Variants in ABCC5 observed in about 807,000 individuals in gnomAD.
The protein encoded by ABCC5 is ATP-binding cassette sub-family C member 5.
In ABCC5, 61 loss-of-function variants were observed where a neutral mutation model predicts 160.9. The observed-to-expected ratio is 0.38, with a 90% confidence interval of 0.31 to 0.47. The LOEUF is 0.47. Ranked by LOEUF, ABCC5 falls within the 20% of genes least tolerant of loss-of-function variation. ABCC5 has a pLI of 0.99. For missense variants in ABCC5, 1,308 were observed against 1,813.3 expected (o/e 0.72, Z 5.06); for synonymous variants, 666 against 700.6 (o/e 0.95, Z 0.78).
chr3:184,009,960 C>T (rs1209135573), intron 2 of ABCC5: 1 of 432,208 alleles, frequency 2.3e-6, no homozygotes, highest in South Asian at 1.7e-5. Context: ...AACAGCCTGG[C>T]CAACAGTGAG....
intron 25 of ABCC5, among the ~76,000 whole-genome samples, chr3:183,939,456 G>A (rs910934970): frequency 1.3e-5 from 2 of 152,012 alleles, no homozygotes; most frequent in Admixed American, 6.6e-5. Flanking sequence ...CAAAAGCATT[G>A]TATAACACTC....
At chr3:183,939,002 G>C (rs546996146) in intron 25 of ABCC5, among the ~76,000 whole-genome samples, 50 of 152,316 alleles carry the variant, frequency 3.3e-4, no homozygotes, top group African/African-American at 1.2e-3. Flanking sequence ...CATTTGAAAA[G>C]TTTACATAAG....
Position 183,947,465 on chromosome 3 carries a change from A to C in ABCC5, c.3273T>G (p.Phe1091Leu), listed in dbSNP as rs1405836360. The change falls in exon 23 of 30, where the codon TTT becomes TTG. Residue 1091 changes from phenylalanine to leucine, a missense_variant. Transcript: ENST00000334444. ...LDDNQAPFFL[F>L]TCAMRWLAVR... ...CAGCCAGCCACCGCATCGCACACGT[A>C]AACAAAAAAAAAGGAGCTTGGTTGT... is the stretch of plus-strand genomic sequence containing the variant. The C allele has an allele frequency of 6.2e-7, 1 of 1,608,952 alleles. No individual in the cohort carries two copies. The highest frequency in any genetic ancestry group is 8.5e-7 in the Non-Finnish European group (1 of 1,176,562).
chr3:183,937,119 G>A (rs1713805867), intron 26 of ABCC5, among the ~76,000 whole-genome samples: 1 of 152,116 alleles, frequency 6.6e-6, no homozygotes, highest in South Asian at 2.1e-4. Flanking sequence ...GCTCGCGCCT[G>A]TAATCCCAGC....
chr3:183,949,927 G>A lies in ABCC5; in HGVS notation c.3098+45C>T. 6.2e-7 allele frequency: 1 copy of A among 1,614,030 alleles called. No individual in the cohort carries two copies. Among genetic ancestry groups the A allele is most frequent in the South Asian group, 1.1e-5 (1 of 91,064 alleles). ...GTGTCACAGCACCTACCCAGCAACTGAGGCTTCTCCGTGGCCCCAGCAGAC... is the reference window on the plus strand; with the variant it reads ...GTGTCACAGCACCTACCCAGCAACTAAGGCTTCTCCGTGGCCCCAGCAGAC... On this transcript the variant is annotated intron_variant, in intron 21 of 29. Transcript: ENST00000334444. This position sits in a 1 kb window ranked among gnomAD's most constrained non-coding sequence, Gnocchi z 4.2.
Position 183,925,523 on chromosome 3 carries a change from TGCCAAGCCAAAG to T in ABCC5, c.4212+20_4212+31del. 6.2e-7 allele frequency: 1 copy of T among 1,608,878 alleles called. No homozygotes were observed. Among genetic ancestry groups the T allele is most frequent in the East Asian group, 2.2e-5 (1 of 44,786 alleles). On this transcript the variant is annotated intron_variant, in intron 29 of 29. Transcript: ENST00000334444. ...CCAGGGGCCAGTTTCCTCCCAGACA[TGCCAAGCCAAAG>T]TTCCTGAAGGACTCGGTACCTGTCC... is the stretch of plus-strand genomic sequence containing the variant.
At chr3:183,925,797 T>A in intron 28 of ABCC5, 78 bp from the exon 29 acceptor site, 2 of 1,386,974 alleles carry the variant, frequency 1.4e-6, no homozygotes, top group Non-Finnish European at 2.0e-6. Flanking sequence ...TACTAAAATG[T>A]ATTTCATTTA....
At chr3:183,984,627 A>G in intron 5 of ABCC5, 2 of 1,416,512 alleles carry the variant, frequency 1.4e-6, no homozygotes, top group Non-Finnish European at 9.2e-7. Context: ...AGGAGACTTC[A>G]GATTCCAAGA....
At chr3:183,952,989 G>T in intron 18 of ABCC5, 97 bp downstream of exon 18, 1 of 1,325,028 alleles carries the variant, frequency 7.5e-7, no homozygotes, top group Non-Finnish European at 1.0e-6. Context: ...CTTCTTTTAA[G>T]TGAAAACTAG....
Position 183,952,009 on chromosome 3 carries a change from T to G in ABCC5, c.2668-6A>C. On this transcript the variant is annotated splice_region_variant and splice_polypyrimidine_tract_variant and intron_variant, in intron 18 of 29. Transcript: ENST00000334444. Reference sequence around the variant, plus strand: ...CCTCGAGTCACAGTGGTGTTCTGTTTGAAGCCAAAGTTCTATGAGGCCAGA... The same window carrying G: ...CCTCGAGTCACAGTGGTGTTCTGTTGGAAGCCAAAGTTCTATGAGGCCAGA... 4.4e-6 allele frequency: 7 copies of G among 1,604,826 alleles called. No homozygotes were observed. The highest frequency in any genetic ancestry group is 6.0e-6 in the Non-Finnish European group (7 of 1,172,922).
chr3:183,930,353 C>A lies in ABCC5; in HGVS notation c.3855-1528G>T, dbSNP rs569207079. On this transcript the variant is annotated intron_variant, in intron 26 of 29. Coordinates refer to ENST00000334444, the MANE Select transcript of ABCC5 (RefSeq NM_005688.4). ...TCTCCAGCGCCTCTTGCCCTTTGCA[C>A]GGCGTTTTTCCCGCTTGGAACATGC... Among the ~76,000 whole-genome samples, 4 of 152,342 alleles carry A rather than the reference C, an allele frequency of 2.6e-5. No individual in the cohort carries two copies. In the East Asian group the frequency reaches 7.7e-4, roughly 29 times the overall value.
At chr3:183,941,453 G>C (rs965034209) in intron 25 of ABCC5, among the ~76,000 whole-genome samples, 4 of 151,860 alleles carry the variant, frequency 2.6e-5, no homozygotes, top group Non-Finnish European at 4.4e-5. Context: ...ACAGAAAGCA[G>C]GAAATGGCTT....
chr3:183,942,660 G>T (rs1714481749), intron 25 of ABCC5, 67 bp downstream of exon 25: 1 of 1,558,852 alleles, frequency 6.4e-7, no homozygotes, highest in Non-Finnish European at 8.8e-7. Flanking sequence ...GGTTTAAAGG[G>T]GTGAAAGTGA....
intron 26 of ABCC5, among the ~76,000 whole-genome samples, chr3:183,929,129 T>C (rs182797425): frequency 1.2e-4 from 18 of 152,334 alleles, no homozygotes; most frequent in African/African-American, 4.1e-4. Flanking sequence ...CCTGTGCGTG[T>C]ATTTGTTAAA....
Position 183,951,416 on chromosome 3 carries a change from T to C in ABCC5, c.2944+25A>G, listed in dbSNP as rs1305384218. The C allele has an allele frequency of 1.2e-6, 2 of 1,612,548 alleles. No homozygotes were observed. Among genetic ancestry groups the C allele is most frequent in the Non-Finnish European group, 1.7e-6 (2 of 1,179,380 alleles). Reference sequence around the variant, plus strand: ...GGAAGCACAGTGAGCTCCAGAGTATTAAAAAAAGGCTCAGTGAGAAATACC... The same window carrying C: ...GGAAGCACAGTGAGCTCCAGAGTATCAAAAAAAGGCTCAGTGAGAAATACC... On this transcript the variant is annotated intron_variant, in intron 20 of 29. Coordinates refer to ENST00000334444, the MANE Select transcript of ABCC5 (RefSeq NM_005688.4). This position sits in a 1 kb window ranked among gnomAD's most constrained non-coding sequence, Gnocchi z 4.7.
chr3:183,930,623 A>AGGGC (rs1203237677), intron 26 of ABCC5, among the ~76,000 whole-genome samples: 4 of 152,210 alleles, frequency 2.6e-5, no homozygotes, highest in Admixed American at 2.6e-4. Flanking sequence ...AAACACTGGG[A>AGGGC]GGGCATCATG....
chr3:183,966,740 G>T (rs575221792), intron 12 of ABCC5, among the ~76,000 whole-genome samples: 4 of 152,138 alleles, frequency 2.6e-5, no homozygotes, highest in African/African-American at 9.6e-5. Flanking sequence ...AGGTGGAGGT[G>T]ATGCCTGCCA....
chr3:184,010,799 T>TTC (rs376361457), intron 2 of ABCC5, among the ~76,000 whole-genome samples: 7,836 of 40,500 alleles, frequency 0.19, 229 homozygotes, highest in East Asian at 0.45. Context: ...ATTCTTCTTC[T>TTC]TTTTTTTTTT....
At chr3:183,975,506 T>C (rs990081300) in intron 10 of ABCC5, among the ~76,000 whole-genome samples, 54 of 151,996 alleles carry the variant, frequency 3.6e-4, no homozygotes, top group Admixed American at 2.6e-4. Flanking sequence ...CACACCTGGC[T>C]AATTTTTTGG....
Sources: allele counts gnomAD v4.1 joint callset (sites outside exome capture counted in the v4.1 genomes callset), GRCh38; gene constraint gnomAD v4.1.1; non-coding constraint Gnocchi (gnomAD v3.1); transcripts MANE v1.5; gene names NCBI Gene and HGNC (gene_info 2026-07-23, HGNC 2026-07-21).